ARL16: variants seen among roughly 807,000 people sequenced by gnomAD.
ARL16 encodes the protein ADP-ribosylation factor-like protein 16.
A neutral mutation model predicts 14.1 loss-of-function variants in ARL16; 21 were observed. That is an observed-to-expected ratio of 1.48 (90% CI 1.05 to 2.14). The LOEUF (loss-of-function observed/expected upper bound fraction) is 2.14, where lower values mean the gene tolerates loss of function less well. Ranked by LOEUF, ARL16 falls within the 30% of genes most tolerant of loss-of-function variation. The pLI is 0.00. For synonymous variants in ARL16, 122 were observed against 91.8 expected, an observed-to-expected ratio of 1.33 and a Z score of -1.88; for missense variants, 248 against 222.0, an observed-to-expected ratio of 1.12 and a Z score of -0.74.
intron 1 of ARL16, 44 bp downstream of exon 1, chr17:81,683,649 G>A (rs1248578832): frequency 4.4e-6 from 7 of 1,591,384 alleles, no homozygotes; most frequent in African/African-American, 4.0e-5. Context: ...GCCCCACTCC[G>A]GGTGCCCCCC....
chr17:81,683,437 G>T, intron 2 of ARL16, 99 bp downstream of exon 2: 1 of 1,388,356 alleles, frequency 7.2e-7, no homozygotes, highest in South Asian at 1.5e-5. Context: ...GTCACGACCT[G>T]ACCCGCTGCG....
Position 81,681,776 on chromosome 17 carries a change from C to A in ARL16, c.454G>T (p.Ala152Ser). 1 of 1,611,186 alleles carries A rather than the reference C, an allele frequency of 6.2e-7. No individual in the cohort carries two copies. Among genetic ancestry groups the A allele is most frequent in the Non-Finnish European group, 8.5e-7 (1 of 1,179,040 alleles). The change falls in exon 5 of 5, where the codon GCC (alanine) becomes TCC (serine). Residue 152 changes from alanine to serine, a missense_variant. Physicochemically the swap from Ala to Ser is moderately conservative, Grantham distance 99. Transcript: ENST00000622299. ...KQNITTAEISAREGTGLAGVL... is the reference protein window; with the variant it reads ...KQNITTAEISSREGTGLAGVL... ...CCTGCTAAGCCAGTGCCTTCACGGG[C>A]GCTGATTTCTGCCGTGGTGATGTTC...
At position 81,683,585 on chromosome 17, in the gene ARL16, G is replaced by T; in HGVS notation, c.71C>A (p.Ser24Tyr). ...CCCCAGGTCGCCTTTCCCATCCCGG[G>T]AGCTCACCTGTGCGAAGCGGTCAAG... Reference protein sequence around the residue: ...LLVKRLQEVSSRDGKGDLGEP... With the variant: ...LLVKRLQEVSYRDGKGDLGEP... Residue 24 changes from serine to tyrosine, a missense_variant, in exon 2 of 5, where the codon TCC becomes TAC. Transcript: ENST00000622299. 4.4e-6 allele frequency: 7 copies of T among 1,603,534 alleles called. No homozygotes were observed. The highest frequency in any genetic ancestry group is 5.9e-6 in the Non-Finnish European group (7 of 1,176,476).
chr17:81,681,737 G>T lies in ARL16; in HGVS notation c.493C>A (p.Leu165Ile). The change falls in exon 5 of 5, where the codon CTC (leucine) becomes ATC (isoleucine). Residue 165 changes from leucine (L) to isoleucine (I), a missense_variant. Transcript: ENST00000622299. ...GTGLAGVLAW[L>I]QATHRAND is the part of the protein sequence containing the mutation. ...TCGTTGGCTCTGTGGGTGGCCTGGA[G>T]CCAGGCCAGCACCCCTGCTAAGCCA... The T allele has an allele frequency of 6.2e-7, 1 of 1,607,766 alleles. No individual in the cohort carries two copies.
chr17:81,682,820 C>T (rs998656886), intron 3 of ARL16, 193 bp downstream of exon 3: 11 of 593,610 alleles, frequency 1.9e-5, no homozygotes, highest in Non-Finnish European at 3.0e-5. Flanking sequence ...CTACCGGGGG[C>T]CTGGGAGCGC....
At chr17:81,681,924 C>T (rs778339524) in intron 4 of ARL16, 45 bp from the exon 5 acceptor site, 2 of 1,582,922 alleles carry the variant, frequency 1.3e-6, no homozygotes, top group Non-Finnish European at 1.7e-6. Context: ...CAGCCACACA[C>T]CTGCCCCGGA....
intron 3 of ARL16, chr17:81,682,559 A>G (rs1423662686): frequency 5.4e-6 from 1 of 185,332 alleles, no homozygotes; most frequent in African/African-American, 2.4e-5. Flanking sequence ...GCTTTAAACA[A>G]AGCTTTGGGA....
Position 81,682,061 on chromosome 17 carries a change from G to C in ARL16, c.323C>G (p.Ala108Gly), listed in dbSNP as rs757656606. 6.2e-6 allele frequency: 10 copies of C among 1,612,674 alleles called. No individual in the cohort carries two copies. The highest frequency in any genetic ancestry group is 7.6e-6 in the Non-Finnish European group (9 of 1,179,502). Reference protein sequence around the residue: ...GLLSAEQLAEASVLILFNKID... With the variant: ...GLLSAEQLAEGSVLILFNKID... ...TTTATTGAAGAGTATCAGCACCGAT[G>C]CTTCTGCAAGTTGTTCTGCAGAAAG... The change falls in exon 4 of 5, where the codon GCA becomes GGA. Residue 108 changes from alanine (A) to glycine (G), a missense_variant. Ala to Gly is a moderately conservative substitution (Grantham distance 60, BLOSUM62 0). Coordinates refer to ENST00000622299, the MANE Select transcript of ARL16 (RefSeq NM_001040025.3).
chr17:81,682,080 C>A lies in ARL16; in HGVS notation c.304G>T (p.Ala102Ser). The change falls in exon 4 of 5, where the codon GCA (alanine) becomes TCA (serine). Residue 102 changes from alanine (A) to serine (S), a missense_variant. Physicochemically the swap from Ala to Ser is moderately conservative, Grantham distance 99. Transcript: ENST00000622299. ...SCVQLLGLLS[A>S]EQLAEASVLI... The stretch of plus-strand genomic sequence containing the variant: ...ACCGATGCTTCTGCAAGTTGTTCTG[C>A]AGAAAGGAGACCTAAGAGCTGCACA... 6.2e-7 allele frequency: 1 copy of A among 1,613,256 alleles called. No individual in the cohort carries two copies. The highest frequency in any genetic ancestry group is 1.7e-5 in the Admixed American group (1 of 59,924).
Position 81,683,120 on chromosome 17 carries a change from T to G in ARL16, c.127A>C (p.Thr43Pro), listed in dbSNP as rs2036888117. 6.2e-7 allele frequency: 1 copy of G among 1,607,950 alleles called. No homozygotes were observed. The highest frequency in any genetic ancestry group is 8.5e-7 in the Non-Finnish European group (1 of 1,177,890). ...TGTGCCACGATGTCAGTAAGATTGG[T>G]GCCCACCTATAGGAAAAACCACGAT... ...EPPPTRPTVG[T>P]NLTDIVAQRK... Residue 43 changes from threonine to proline, a missense_variant, in exon 3 of 5, where the codon ACC (threonine) becomes CCC (proline). Physicochemically the swap from Thr to Pro is conservative, Grantham distance 38. Transcript: ENST00000622299.
At position 81,683,016 on chromosome 17, in the gene ARL16, G is replaced by C. The variant is rs761478217; in HGVS notation, c.231C>G (p.Leu77=). The C allele has an allele frequency of 2.5e-6, 4 of 1,613,120 alleles. No homozygotes were observed. The African/African-American group carries it at 5.3e-5, about 22-fold the overall frequency. The change falls in exon 3 of 5, where the codon CTC becomes CTG. Residue 77 remains leucine, a synonymous_variant. Coordinates refer to ENST00000622299, the MANE Select transcript of ARL16 (RefSeq NM_001040025.3). ...CCCATATAGGATTACAACCCACCAGGAGAGAACGGCAGTTTCCATAGTAAC... is the reference window on the plus strand; with the variant it reads ...CCCATATAGGATTACAACCCACCAGCAGAGAACGGCAGTTTCCATAGTAAC... The part of the protein sequence containing the change: ...WSSYYGNCRS[L]LFVMDASDPT...
At position 81,681,767 on chromosome 17, in the gene ARL16, C is replaced by CT. The variant is rs1160646245; in HGVS notation, c.462dup (p.Gly155ArgfsTer56). 1 of 1,610,914 alleles carries CT rather than the reference C, an allele frequency of 6.2e-7. No homozygotes were observed. Among genetic ancestry groups the CT allele is most frequent in the South Asian group, 1.1e-5 (1 of 90,490 alleles). On this transcript the variant is annotated frameshift_variant, in exon 5 of 5. Transcript: ENST00000622299. LOFTEE classifies it high-confidence loss of function. ...GCCAGCACCCCTGCTAAGCCAGTGC[C>CT]TTCACGGGCGCTGATTTCTGCCGTG... is the stretch of plus-strand genomic sequence containing the variant.
chr17:81,683,733 G>A lies in ARL16; in HGVS notation c.21C>T (p.Ala7=), dbSNP rs979839467. The A allele has an allele frequency of 3.1e-6, 5 of 1,608,076 alleles. No individual in the cohort carries two copies. Among genetic ancestry groups the A allele is most frequent in the Non-Finnish European group, 4.2e-6 (5 of 1,178,700 alleles). MCLLLG[A]TGVGKTLLVK... ...CCAGCAGCGTCTTCCCGACGCCCGT[G>A]GCCCCCAGCAGGAGACACATTCCGT... Residue 7 remains alanine (A), a synonymous_variant, in exon 1 of 5, where the codon GCC becomes GCT. Transcript: ENST00000622299.
chr17:81,683,467 G>A (rs2036898639), intron 2 of ARL16, 69 bp downstream of exon 2: 2 of 1,454,256 alleles, frequency 1.4e-6, no homozygotes, highest in Non-Finnish European at 1.8e-6. Flanking sequence ...GCACTTAGAG[G>A]AGCCCGGAGC....
rs907737327 is a variant in ARL16, at chr17:81,683,775, C to T, written c.-22G>A. On this transcript the variant is annotated 5_prime_UTR_variant, in exon 1 of 5. Coordinates refer to ENST00000622299, the MANE Select transcript of ARL16 (RefSeq NM_001040025.3). ...ACATTCCGTGCTTCGCTCCACCCGG[C>T]ACCCGTAGCTCGGCGCCGCGGCTCA... 1.2e-5 allele frequency: 19 copies of T among 1,606,642 alleles called. No homozygotes were observed. The highest frequency in any genetic ancestry group is 1.5e-5 in the Non-Finnish European group (18 of 1,179,470).
chr17:81,682,915 C>T (rs537561134), intron 3 of ARL16, 98 bp downstream of exon 3: 3 of 1,114,180 alleles, frequency 2.7e-6, no homozygotes, highest in Non-Finnish European at 4.1e-6. Context: ...CACTAAATAA[C>T]CCAAACCCCT....
rs1134381 is a variant in ARL16 at position 81,681,336 on chromosome 17, A to G, written c.*372T>C. 0.25 allele frequency: 40,364 copies of G among 164,308 alleles called. 5,403 individuals are homozygous for G. Among genetic ancestry groups the G allele is most frequent in the African/African-American group, 0.36 (14,870 of 41,612 alleles). 10.2% of individuals were successfully genotyped at this position (164,308 alleles called of 1,614,324 possible). A position where few individuals can be genotyped will look rare whatever the true frequency, so the allele number is the denominator to read the frequency against. ...CCTGTCTCAGCCTCCCAAGTAGCTGAGATTACAGGCATGCACCAGCACACC... is the reference window on the plus strand; with the variant it reads ...CCTGTCTCAGCCTCCCAAGTAGCTGGGATTACAGGCATGCACCAGCACACC... On this transcript the variant is annotated 3_prime_UTR_variant, in exon 5 of 5. Coordinates refer to ENST00000622299, the MANE Select transcript of ARL16 (RefSeq NM_001040025.3).
In ARL16 at chr17:81,681,660, C is replaced by A. The variant is rs1476061448; in HGVS notation, c.*48G>T. 10 of 1,526,124 alleles carry A rather than the reference C, an allele frequency of 6.6e-6. No homozygotes were observed. Among genetic ancestry groups the A allele is most frequent in the African/African-American group, 1.4e-5 (1 of 72,398 alleles). The allele number at this position is 1,526,124 out of a possible 1,614,324, so 94.5% of individuals were successfully genotyped here. The stretch of plus-strand genomic sequence containing the variant: ...CTATTGGCAGCAAAGCCATACTGCC[C>A]TCTGCCACCTCTCCCCAGCTCAGGC... On this transcript the variant is annotated 3_prime_UTR_variant, in exon 5 of 5. Transcript: ENST00000622299.
In ARL16 at chr17:81,682,025, G is replaced by A. The variant is rs1174581157; in HGVS notation, c.350+9C>T. 1.2e-6 allele frequency: 2 copies of A among 1,603,072 alleles called. No individual in the cohort carries two copies. Among genetic ancestry groups the A allele is most frequent in the Non-Finnish European group, 1.7e-6 (2 of 1,173,876 alleles). ...CCGCTGTGCTCCCTCTCAGCTCAGG[G>A]ACGCGTACATTTTATTGAAGAGTAT... On this transcript the variant is annotated intron_variant, in intron 4 of 4. Transcript: ENST00000622299.
Sources: gnomAD v4.1 joint callset for allele counts on GRCh38, gnomAD v4.1.1 for gene constraint, MANE v1.5 for transcripts, NCBI Gene and HGNC (gene_info 2026-07-23, HGNC 2026-07-21) for gene names.